Variants in AVEN observed in about 807,000 individuals in gnomAD.
AVEN encodes cell death regulator Aven.
In AVEN, 41 loss-of-function variants were observed where a neutral mutation model predicts 38.1. That is an observed-to-expected ratio of 1.08 (90% confidence interval 0.84 to 1.40). The LOEUF (loss-of-function observed/expected upper bound fraction) is 1.40, where lower values mean the gene tolerates loss of function less well. Among genes scored for constraint, AVEN ranks in the 40% most tolerant of loss-of-function variants. The pLI is 0.00. For missense variants in AVEN, 605 were observed against 438.8 expected (o/e 1.38, Z -3.38); for synonymous variants, 206 against 171.8 (o/e 1.20, Z -1.56).
intron 5 of AVEN, chr15:34,046,836 A>T (rs572002114): frequency 1.3e-5 from 2 of 152,480 alleles, no homozygotes; most frequent in African/African-American, 4.8e-5. Context: ...AGCAGCACAG[A>T]GCCAAAGGAA....
intron 1 of AVEN, among the ~76,000 whole-genome samples, chr15:34,072,645 TTTA>T (rs1211976480): frequency 1.3e-5 from 2 of 151,876 alleles, no homozygotes; most frequent in Admixed American, 1.3e-4. Flanking sequence ...TATTTTACTT[TTTA>T]TTATTATTAT....
At chr15:33,909,388 A>G (rs1001331409) in intron 2 of AVEN, among the ~76,000 whole-genome samples, 17 of 152,234 alleles carry the variant, frequency 1.1e-4, no homozygotes, top group Admixed American at 5.9e-4. Flanking sequence ...CCCATTTGCA[A>G]TTATAGAGTG....
downstream of AVEN, chr15:33,854,260 A>C: frequency 1.4e-6 from 1 of 711,918 alleles, no homozygotes; most frequent in Non-Finnish European, 2.4e-6. Flanking sequence ...GAGCACATAC[A>C]ACTTGATAAA....
intron 2 of AVEN, among the ~76,000 whole-genome samples, chr15:33,932,786 T>C (rs983174681): frequency 5.3e-5 from 8 of 151,674 alleles, no homozygotes; most frequent in Admixed American, 2.0e-4. Flanking sequence ...GATCGTGCCA[T>C]TGCACTCCAG....
In AVEN at chr15:34,038,988, GGCCGGCCGCGGCCTGGCC is replaced by G. The variant is rs1300494846; in HGVS notation, c.41_58del (p.Arg14_Arg19del). ...CCGCTCGCTGTGGCGATCTCCGCCA[GGCCGGCCGCGGCCTGGCC>G]GCCGCCCACGGCCTCCCCGAGCTCC... On this transcript the variant is annotated inframe_deletion, in exon 1 of 6. Coordinates refer to ENST00000306730, the MANE Select transcript of AVEN (RefSeq NM_020371.3). 1 of 1,115,398 alleles carries G rather than the reference GGCCGGCCGCGGCCTGGCC, an allele frequency of 9.0e-7. No individual in the cohort carries two copies. The highest frequency in any genetic ancestry group is 1.7e-5 in the African/African-American group (1 of 59,564). 69.1% of individuals were successfully genotyped at this position (1,115,398 alleles called of 1,614,324 possible).
intron 2 of AVEN, among the ~76,000 whole-genome samples, chr15:33,904,714 T>C (rs62014483): frequency 0.8 from 113,780 of 142,302 alleles, 49,037 homozygotes; most frequent in Non-Finnish European, 0.96. Context: ...TATATATATA[T>C]ATACACACAC....
At chr15:33,906,974 T>C (rs1008912742) in intron 2 of AVEN, among the ~76,000 whole-genome samples, 1 of 152,108 alleles carries the variant, frequency 6.6e-6, no homozygotes, top group East Asian at 1.9e-4. Flanking sequence ...TGTACACAAA[T>C]TGGTTAACAG....
In AVEN at chr15:33,866,541, G is replaced by C; in HGVS notation, c.*72C>G. The C allele has an allele frequency of 8.6e-7, 1 of 1,164,640 alleles. No homozygotes were observed. Among genetic ancestry groups the C allele is most frequent in the Non-Finnish European group, 1.3e-6 (1 of 785,066 alleles). 72.1% of individuals were successfully genotyped at this position (1,164,640 alleles called of 1,614,324 possible). A position where few individuals can be genotyped will look rare whatever the true frequency, so the allele number is the denominator to read the frequency against. ...ACATGCTTGTAAACTGGCTGGTCCT[G>C]AAGGACAGCCTTATGCCCACCTGCC... On this transcript the variant is annotated 3_prime_UTR_variant, in exon 6 of 6. Transcript: ENST00000306730.
chr15:33,891,762 G>A (rs1891981094), intron 2 of AVEN, among the ~76,000 whole-genome samples: 1 of 152,142 alleles, frequency 6.6e-6, no homozygotes, highest in South Asian at 2.1e-4. Context: ...GGATGGCTGG[G>A]TCAAATGGTA....
At chr15:33,868,964 C>G (rs540700080) in intron 4 of AVEN, among the ~76,000 whole-genome samples, 4 of 152,192 alleles carry the variant, frequency 2.6e-5, no homozygotes, top group African/African-American at 4.8e-5. Flanking sequence ...TCACCGCTCT[C>G]GAGGGAAGGC....
intron 2 of AVEN, among the ~76,000 whole-genome samples, chr15:33,917,564 AC>A (rs1293988897): frequency 3.6e-5 from 1 of 27,888 alleles, no homozygotes; most frequent in Non-Finnish European, 1.2e-4. Context: ...GTGTATGTAT[AC>A]ACACACACAC....
chr15:33,895,783 T>A (rs578038042), intron 2 of AVEN, among the ~76,000 whole-genome samples: 28 of 152,344 alleles, frequency 1.8e-4, no homozygotes, highest in Admixed American at 5.9e-4. Flanking sequence ...AATACAAATC[T>A]GATCCTGCCA....
chr15:33,925,775 A>G (rs1318511239), intron 2 of AVEN, among the ~76,000 whole-genome samples: 1 of 152,210 alleles, frequency 6.6e-6, no homozygotes. Context: ...GCTAGAAGTC[A>G]ACTCTGAACC....
At chr15:33,890,610 C>G (rs1347570826) in intron 2 of AVEN, among the ~76,000 whole-genome samples, 2 of 151,770 alleles carry the variant, frequency 1.3e-5, no homozygotes, top group Non-Finnish European at 2.9e-5. Context: ...TCTAGTAAAT[C>G]AAATAACTCA....
intron 5 of AVEN, among the ~76,000 whole-genome samples, chr15:34,059,446 C>G (rs1194063693): frequency 6.6e-6 from 1 of 152,228 alleles, no homozygotes; most frequent in Non-Finnish European, 1.5e-5. Flanking sequence ...TGCTCCCCAA[C>G]ACCTGGATGT....
rs934080748 is a variant in AVEN, at chr15:34,002,952, A to C, written c.445+80T>G. 6.3e-6 allele frequency: 8 copies of C among 1,262,360 alleles called. No individual in the cohort carries two copies. The East Asian group carries it at 1.9e-4, about 30-fold the overall frequency. 78.2% of individuals were successfully genotyped at this position (1,262,360 alleles called of 1,614,324 possible). A position where few individuals can be genotyped will look rare whatever the true frequency, so the allele number is the denominator to read the frequency against. Reference sequence around the variant, plus strand: ...CAAAGGATAAATTGCTAGTTATAAAAGTAGAATTTAAAAACATATATAAAA... The same window carrying C: ...CAAAGGATAAATTGCTAGTTATAAACGTAGAATTTAAAAACATATATAAAA... On this transcript the variant is annotated intron_variant, in intron 2 of 5. Transcript: ENST00000306730.
At chr15:33,931,108 G>A (rs867713429) in intron 2 of AVEN, among the ~76,000 whole-genome samples, 1 of 151,828 alleles carries the variant, frequency 6.6e-6, no homozygotes, top group African/African-American at 2.4e-5. Flanking sequence ...TTGTCTTTTA[G>A]AATGACTACC....
intron 5 of AVEN, among the ~76,000 whole-genome samples, chr15:34,057,660 T>A (rs1900206350): frequency 6.6e-6 from 1 of 152,142 alleles, no homozygotes; most frequent in Non-Finnish European, 1.5e-5. Flanking sequence ...AGCCATATGT[T>A]GTAGCCCACA....
chr15:33,862,997 ATACATCT>A (rs2153023195), downstream of AVEN, among the ~76,000 whole-genome samples: 1 of 152,318 alleles, frequency 6.6e-6, no homozygotes, highest in Admixed American at 6.5e-5. Context: ...TTAAGAGAAT[ATACATCT>A]TAATGGAGGT....
Sources: allele counts gnomAD v4.1 joint callset (sites outside exome capture counted in the v4.1 genomes callset), GRCh38; gene constraint gnomAD v4.1.1; transcripts MANE v1.5; gene names NCBI Gene and HGNC (gene_info 2026-07-23, HGNC 2026-07-21).